Variants in XRN1 observed in about 807,000 individuals in gnomAD.
XRN1 encodes the protein 5'-3' exoribonuclease 1, also known as strand-exchange protein 1 homolog.
XRN1 carries 67 observed loss-of-function variants against 222.3 expected under a neutral mutation model. The observed-to-expected ratio is 0.30, with a 90% confidence interval of 0.25 to 0.37. XRN1 has a LOEUF of 0.37. Among genes scored for constraint, XRN1 ranks in the 10% least tolerant of loss-of-function variants. The pLI, the probability that XRN1 is intolerant of heterozygous loss-of-function variation, is 1.00. For missense variants in XRN1, 1,707 were observed against 2,000.2 expected (o/e 0.85, Z 2.80); for synonymous variants, 643 against 652.4 (o/e 0.99, Z 0.22).
chr3:142,357,368 T>C (rs1344638458), intron 30 of XRN1, among the ~76,000 whole-genome samples: 1 of 152,174 alleles, frequency 6.6e-6, no homozygotes, highest in Non-Finnish European at 1.5e-5. Flanking sequence ...GGGGTGTGTG[T>C]CGATTTGTCG....
intron 2 of XRN1, among the ~76,000 whole-genome samples, chr3:142,432,014 A>T (rs1444397076): frequency 7.4e-5 from 5 of 67,392 alleles, no homozygotes; most frequent in East Asian, 3.2e-4. Context: ...ATAAATATAT[A>T]TTTTTTTAAT....
intron 29 of XRN1, among the ~76,000 whole-genome samples, chr3:142,364,160 G>A (rs537161814): frequency 6.6e-6 from 1 of 152,214 alleles, no homozygotes; most frequent in African/African-American, 2.4e-5. Context: ...TGCAAAATAT[G>A]TTAGTGCCTG....
Position 142,376,580 on chromosome 3 carries a change from C to T in XRN1, c.2730G>A (p.Lys910=), listed in dbSNP as rs562480272. 1.1e-5 allele frequency: 18 copies of T among 1,608,930 alleles called. No homozygotes were observed. In the African/African-American group the frequency reaches 1.7e-4, roughly 16 times the overall value. Residue 910 remains lysine, a synonymous_variant, in exon 24 of 41, where the codon AAG becomes AAA. Transcript: ENST00000392981. ...TGGCCAACACATATCCTGGGTTGTA[C>T]TTTATAGAATATTTCTTTAAATATA... is the stretch of plus-strand genomic sequence containing the variant. ...LIQNQHKYSI[K]YNPGYVLASR...
intron 31 of XRN1, 22 bp downstream of exon 31, chr3:142,356,890 A>G (rs1577282171): frequency 6.2e-7 from 1 of 1,603,730 alleles, no homozygotes; most frequent in East Asian, 2.2e-5. Context: ...GTAGAGGAGA[A>G]GTTAAAGACT....
intron 37 of XRN1, among the ~76,000 whole-genome samples, chr3:142,322,011 GA>G (rs1200590852): frequency 6.6e-6 from 1 of 152,128 alleles, no homozygotes; most frequent in Non-Finnish European, 1.5e-5. Flanking sequence ...GTGCTGAATA[GA>G]AGTGGTGAAA....
At chr3:142,379,679 T>A (rs1027483577) in intron 23 of XRN1, among the ~76,000 whole-genome samples, 17 of 152,250 alleles carry the variant, frequency 1.1e-4, no homozygotes, top group Non-Finnish European at 1.8e-4. Flanking sequence ...TTGAGACTGT[T>A]CATTCTTAGC....
At chr3:142,366,191 AACT>A (rs1283258511) in intron 27 of XRN1, among the ~76,000 whole-genome samples, 2 of 152,234 alleles carry the variant, frequency 1.3e-5, no homozygotes, top group African/African-American at 2.4e-5. Flanking sequence ...ACAATTTATA[AACT>A]ACTATTCATA....
intron 16 of XRN1, 136 bp from the exon 17 acceptor site, chr3:142,404,125 G>C (rs1287596654): frequency 6.8e-6 from 5 of 737,864 alleles, no homozygotes; most frequent in Middle Eastern, 8.1e-4. Flanking sequence ...TCCAGACAAA[G>C]AAAACACAAG....
intron 20 of XRN1, among the ~76,000 whole-genome samples, chr3:142,388,458 T>C (rs536712727): frequency 6.6e-6 from 1 of 152,258 alleles, no homozygotes; most frequent in African/African-American, 2.4e-5. Flanking sequence ...GCATTTTTTT[T>C]ACTGTATTGG....
At chr3:142,347,174 G>T in intron 33 of XRN1, 60 bp downstream of exon 33, 1 of 1,127,396 alleles carries the variant, frequency 8.9e-7, no homozygotes, top group Non-Finnish European at 1.3e-6. Flanking sequence ...TCAATAAAAT[G>T]TTTATTTTTT....
At chr3:142,347,440 A>G in intron 32 of XRN1, 98 bp from the exon 33 acceptor site, 2 of 788,428 alleles carry the variant, frequency 2.5e-6, no homozygotes, top group Non-Finnish European at 1.8e-6. Flanking sequence ...AAAATTATAT[A>G]GTTCCTTAGA....
Position 142,423,540 on chromosome 3 carries a change from A to C in XRN1, c.710+20T>G. On this transcript the variant is annotated intron_variant, in intron 6 of 40. Coordinates refer to ENST00000392981, the MANE Select transcript of XRN1 (RefSeq NM_001282857.2). ...CCAGGCGTAATTTCTTTCTTCCAAC[A>C]TATATGCTATATAATTTACCGTTGT... 6.4e-7 allele frequency: 1 copy of C among 1,567,958 alleles called. No homozygotes were observed. The highest frequency in any genetic ancestry group is 8.6e-7 in the Non-Finnish European group (1 of 1,157,890).
chr3:142,406,829 A>C (rs573512666), intron 15 of XRN1, among the ~76,000 whole-genome samples: 2 of 152,270 alleles, frequency 1.3e-5, no homozygotes, highest in Admixed American at 1.3e-4. Flanking sequence ...TGAGAATTTC[A>C]GCTGGAGGAT....
At chr3:142,312,204 G>C (rs113583574) in intron 40 of XRN1, among the ~76,000 whole-genome samples, 5 of 152,106 alleles carry the variant, frequency 3.3e-5, no homozygotes, top group African/African-American at 4.8e-5. Context: ...TTGAGCCCAG[G>C]AAGTCAAGGC....
Position 142,404,897 on chromosome 3 carries a change from G to A in XRN1, c.1883+10C>T, listed in dbSNP as rs2108034703. The A allele has an allele frequency of 6.2e-7, 1 of 1,613,416 alleles. No homozygotes were observed. The highest frequency in any genetic ancestry group is 8.5e-7 in the Non-Finnish European group (1 of 1,179,738). On this transcript the variant is annotated intron_variant, in intron 16 of 40. Coordinates refer to ENST00000392981, the MANE Select transcript of XRN1 (RefSeq NM_001282857.2). ...TCTTTTGTTGTTGAAAAATTACCAAGTAACATTACCTTGTACAACATCGTT... is the reference window on the plus strand; with the variant it reads ...TCTTTTGTTGTTGAAAAATTACCAAATAACATTACCTTGTACAACATCGTT...
In XRN1 at chr3:142,412,552, TA is replaced by T; in HGVS notation, c.1704del (p.Phe568LeufsTer32). 1.2e-6 allele frequency: 2 copies of T among 1,603,582 alleles called. No individual in the cohort carries two copies. Among genetic ancestry groups the T allele is most frequent in the Non-Finnish European group, 8.5e-7 (1 of 1,173,192 alleles). On this transcript the variant is annotated frameshift_variant, in exon 15 of 41. Coordinates refer to ENST00000392981, the MANE Select transcript of XRN1 (RefSeq NM_001282857.2). LOFTEE classifies it high-confidence loss of function. ...TTATTTCATGCACTGACCTCATCAA[TA>T]AAAGGGATTAACACCACAGCTTCCC... ...QEWEAVVLIP[F>X]IDEKRLLEAM...
At chr3:142,412,460 T>C in intron 15 of XRN1, 84 bp downstream of exon 15, 1 of 1,402,840 alleles carries the variant, frequency 7.1e-7, no homozygotes, top group Non-Finnish European at 9.4e-7. Flanking sequence ...TAAATGGTGA[T>C]TAAAACCCAT....
At chr3:142,325,802 T>C (rs889374380) in intron 37 of XRN1, among the ~76,000 whole-genome samples, 1 of 152,196 alleles carries the variant, frequency 6.6e-6, no homozygotes, top group Non-Finnish European at 1.5e-5. Context: ...GCTACAGATC[T>C]AACATTTAAG....
intron 20 of XRN1, among the ~76,000 whole-genome samples, chr3:142,390,928 A>C (rs929111788): frequency 2.6e-5 from 4 of 152,176 alleles, no homozygotes; most frequent in African/African-American, 9.7e-5. Context: ...GGAATAGGGA[A>C]AGAGAAAGAG....
Sources: gnomAD v4.1 joint callset for allele counts (sites outside exome capture counted in the v4.1 genomes callset) on GRCh38, gnomAD v4.1.1 for gene constraint, MANE v1.5 for transcripts, NCBI Gene and HGNC (gene_info 2026-07-23, HGNC 2026-07-21) for gene names.